The following DYNC2H1 variants were observed in gnomAD, a reference collection of about 807,000 sequenced individuals.
DYNC2H1 encodes cytoplasmic dynein 2 heavy chain 1.
In DYNC2H1, 410 loss-of-function variants were observed where a neutral mutation model predicts 570.0. The observed-to-expected ratio is 0.72, with a 90% CI of 0.66 to 0.78. DYNC2H1 has a LOEUF of 0.78. DYNC2H1 is among the 30% of genes least tolerant of loss of function. DYNC2H1 has a pLI of 0.00. For synonymous variants in DYNC2H1, 1,688 were observed against 1,677.6 expected, an observed-to-expected ratio of 1.01 and a Z score of -0.15; for missense variants, 4,865 against 5,046.4, an observed-to-expected ratio of 0.96 and a Z score of 1.09.
intron 11 of DYNC2H1, among the ~76,000 whole-genome samples, chr11:103,124,560 G>T (rs965844071): frequency 6.6e-6 from 1 of 151,206 alleles, no homozygotes; most frequent in Non-Finnish European, 1.5e-5. Context: ...AATCCATTCT[G>T]ATTTGAGTTC....
At chr11:103,399,050 G>C (rs1942511275) in intron 83 of DYNC2H1, among the ~76,000 whole-genome samples, 1 of 151,580 alleles carries the variant, frequency 6.6e-6, no homozygotes, top group Non-Finnish European at 1.5e-5. Context: ...TGACTTACGG[G>C]ATGCCATTTT....
intron 70 of DYNC2H1, among the ~76,000 whole-genome samples, chr11:103,262,116 C>T (rs896891211): frequency 6.6e-6 from 1 of 152,026 alleles, no homozygotes; most frequent in Non-Finnish European, 1.5e-5. Context: ...TGAAGATCAA[C>T]TTAATGAAAT....
intron 20 of DYNC2H1, among the ~76,000 whole-genome samples, chr11:103,149,085 T>A (rs1313417226): frequency 1.3e-5 from 2 of 152,122 alleles, no homozygotes; most frequent in African/African-American, 4.8e-5. Context: ...AATAAATAAA[T>A]AAATAGACTT....
chr11:103,123,922 A>G (rs748366358), intron 11 of DYNC2H1, among the ~76,000 whole-genome samples: 8 of 152,084 alleles, frequency 5.3e-5, no homozygotes, highest in South Asian at 2.1e-4. Flanking sequence ...CTAAATTTGA[A>G]GATCAATCCT....
chr11:103,209,617 T>C lies in DYNC2H1; in HGVS notation c.8455-259T>C, dbSNP rs1029539004. On this transcript the variant is annotated intron_variant, in intron 52 of 88. Transcript: ENST00000375735. This position sits in a 1 kb window ranked among gnomAD's most constrained non-coding sequence, Gnocchi z 4.2. The stretch of plus-strand genomic sequence containing the variant: ...TTCTAATTCAATCCAAATTGTAATT[T>C]CCTTTACTTCATATAGTCTCACCAT... Among the ~76,000 whole-genome samples the C allele has an allele frequency of 6.6e-6, 1 of 152,068 alleles. No homozygotes were observed. Among genetic ancestry groups the C allele is most frequent in the African/African-American group, 2.4e-5 (1 of 41,456 alleles).
At chr11:103,354,196 A>T (rs77284472) in intron 82 of DYNC2H1, among the ~76,000 whole-genome samples, 21,989 of 149,888 alleles carry the variant, frequency 0.15, 1,887 homozygotes, top group Admixed American at 0.24. Flanking sequence ...AAAAAAAAAA[A>T]AAAAAATCTC....
chr11:103,402,665 T>G (rs890950569), intron 84 of DYNC2H1: 2 of 151,994 alleles, frequency 1.3e-5, no homozygotes, highest in South Asian at 2.1e-4. Flanking sequence ...AATTTGAGAA[T>G]GGTTAGTAGG....
chr11:103,124,049 ATTTTG>A (rs1858861953), intron 11 of DYNC2H1, among the ~76,000 whole-genome samples: 1 of 152,094 alleles, frequency 6.6e-6, no homozygotes, highest in African/African-American at 2.4e-5. Flanking sequence ...TTTTTATTAT[ATTTTG>A]TTTTATATGC....
At chr11:103,131,225 T>C (rs1859249995) in intron 13 of DYNC2H1, among the ~76,000 whole-genome samples, 1 of 152,182 alleles carries the variant, frequency 6.6e-6, no homozygotes, top group African/African-American at 2.4e-5. Flanking sequence ...CCCCTAATCA[T>C]CAAATATGAT....
At chr11:103,392,885 TA>T (rs1942225752) in intron 83 of DYNC2H1, among the ~76,000 whole-genome samples, 1 of 81,284 alleles carries the variant, frequency 1.2e-5, no homozygotes, top group Admixed American at 1.5e-4. Flanking sequence ...TTCCTGAAAC[TA>T]TTTTTTTTTT....
Position 103,249,783 on chromosome 11 carries a change from C to A in DYNC2H1, c.10043-3502C>A, listed in dbSNP as rs972996893. 4.6e-5 allele frequency among the ~76,000 whole-genome samples: 7 copies of A among 151,990 alleles called. No homozygotes were observed. The highest frequency in any genetic ancestry group is 1.7e-4 in the African/African-American group (7 of 41,374). On this transcript the variant is annotated intron_variant, in intron 65 of 88. Transcript: ENST00000375735. The surrounding 1 kb of genome is among the most constrained non-coding windows in gnomAD (Gnocchi z 4.6). ...CATAACACAAAAATAACCAAACATTCTCTTCTCCCAGTTAATATGAGTGAC... is the reference window on the plus strand; with the variant it reads ...CATAACACAAAAATAACCAAACATTATCTTCTCCCAGTTAATATGAGTGAC...
intron 83 of DYNC2H1, among the ~76,000 whole-genome samples, chr11:103,388,628 T>C (rs575318461): frequency 6.6e-6 from 1 of 152,348 alleles, no homozygotes; most frequent in Admixed American, 6.5e-5. Context: ...CAGTATGATA[T>C]TGGCTGTGGG....
chr11:103,167,534 G>A (rs117902827), intron 31 of DYNC2H1, among the ~76,000 whole-genome samples: 2,595 of 152,120 alleles, frequency 0.017, 35 homozygotes, highest in Non-Finnish European at 0.026. Context: ...TCCCAAAGTG[G>A]TGGGATTACA....
intron 5 of DYNC2H1, 76 bp downstream of exon 5, chr11:103,116,790 T>C: frequency 7.6e-7 from 1 of 1,321,810 alleles, no homozygotes; most frequent in Non-Finnish European, 1.0e-6. Context: ...TTTAAGTCCT[T>C]ACTTAAAATG....
Position 103,395,663 on chromosome 11 carries a change from C to A in DYNC2H1, c.12157-4000C>A, listed in dbSNP as rs929781476. Among the ~76,000 whole-genome samples, 1 of 152,096 alleles carries A rather than the reference C, an allele frequency of 6.6e-6. No homozygotes were observed. Among genetic ancestry groups the A allele is most frequent in the Admixed American group, 6.6e-5 (1 of 15,254 alleles). On this transcript the variant is annotated intron_variant, in intron 83 of 88. Coordinates refer to ENST00000375735, the MANE Select transcript of DYNC2H1 (RefSeq NM_001377.3). This position sits in a 1 kb window ranked among gnomAD's most constrained non-coding sequence, Gnocchi z 4.3. Reference sequence around the variant, plus strand: ...TTCAGAATACCCAGCAGAATTCTTACCACATTTCATTGTCTCTGTTTGGTC... The same window carrying A: ...TTCAGAATACCCAGCAGAATTCTTAACACATTTCATTGTCTCTGTTTGGTC...
intron 83 of DYNC2H1, among the ~76,000 whole-genome samples, chr11:103,365,183 G>T (rs1940846277): frequency 6.6e-6 from 1 of 152,030 alleles, no homozygotes; most frequent in South Asian, 2.1e-4. Flanking sequence ...CAAACATGGA[G>T]AAACCCTGTC....
rs566914861 is a variant in DYNC2H1, at chr11:103,234,813, G to T, written c.9567+653G>T. Reference sequence around the variant, plus strand: ...ACATTTGCATTTAATTGTCTCTGAGGAACTCAAACCCAACATGTCTAAATT... The same window carrying T: ...ACATTTGCATTTAATTGTCTCTGAGTAACTCAAACCCAACATGTCTAAATT... On this transcript the variant is annotated intron_variant, in intron 61 of 88. Coordinates refer to ENST00000375735, the MANE Select transcript of DYNC2H1 (RefSeq NM_001377.3). 1.8e-4 allele frequency among the ~76,000 whole-genome samples: 27 copies of T among 151,906 alleles called. No homozygotes were observed. In the South Asian group the frequency reaches 2.1e-3, roughly 12 times the overall value.
intron 81 of DYNC2H1, among the ~76,000 whole-genome samples, chr11:103,321,591 TGAAA>T (rs1425445382): frequency 6.6e-6 from 1 of 152,170 alleles, no homozygotes. Context: ...TTGAAAAATA[TGAAA>T]GAAGACAAAT....
intron 85 of DYNC2H1, among the ~76,000 whole-genome samples, chr11:103,449,062 A>T (rs1944514880): frequency 6.6e-6 from 1 of 152,184 alleles, no homozygotes; most frequent in Non-Finnish European, 1.5e-5. Flanking sequence ...ACAGAGACCT[A>T]AAGGAGGTAA....
Sources: gnomAD v4.1 joint callset for allele counts (sites outside exome capture counted in the v4.1 genomes callset) on GRCh38, gnomAD v4.1.1 for gene constraint, Gnocchi (gnomAD v3.1) non-coding constraint, MANE v1.5 for transcripts, NCBI Gene and HGNC (gene_info 2026-07-23, HGNC 2026-07-21) for gene names.